CCDC171: variants seen among roughly 807,000 people sequenced by gnomAD.
CCDC171 encodes coiled-coil domain containing 171, also known as coiled-coil domain-containing protein 171.
CCDC171 carries 177 observed loss-of-function variants against 168.2 expected under a neutral mutation model. The observed-to-expected ratio is 1.05, with a 90% CI of 0.93 to 1.19. The LOEUF is 1.19. Among genes scored for constraint, CCDC171 ranks in the 50% most tolerant of loss-of-function variants. The pLI, the probability that CCDC171 is intolerant of heterozygous loss-of-function variation, is 0.00. For synonymous variants in CCDC171, 687 were observed against 540.8 expected (o/e 1.27, Z -3.75); for missense variants, 1,991 against 1,539.0 (o/e 1.29, Z -4.91).
chr9:15,922,452 A>G (rs982125302), intron 25 of CCDC171, among the ~76,000 whole-genome samples: 6 of 151,678 alleles, frequency 4.0e-5, no homozygotes, highest in Non-Finnish European at 8.9e-5. Flanking sequence ...GGGTAAGAGC[A>G]TGGGCTTTGG....
chr9:15,561,567 C>T (rs2039302556), intron 1 of CCDC171, among the ~76,000 whole-genome samples: 2 of 152,106 alleles, frequency 1.3e-5, no homozygotes, highest in Non-Finnish European at 2.9e-5. Context: ...TTGACATTTT[C>T]ATTACTATCC....
chr9:15,659,873 C>T (rs551584669), intron 8 of CCDC171, among the ~76,000 whole-genome samples: 40 of 152,268 alleles, frequency 2.6e-4, no homozygotes, highest in African/African-American at 8.4e-4. Context: ...ATCACCACTC[C>T]GTTACTTTAT....
At chr9:15,930,378 G>A (rs1826367266) in intron 25 of CCDC171, among the ~76,000 whole-genome samples, 1 of 150,724 alleles carries the variant, frequency 6.6e-6, no homozygotes, top group African/African-American at 2.4e-5. Context: ...AATATACATT[G>A]GATGTTTCTT....
chr9:15,812,599 C>T (rs988474499), intron 21 of CCDC171, among the ~76,000 whole-genome samples: 2 of 152,074 alleles, frequency 1.3e-5, no homozygotes, highest in African/African-American at 4.8e-5. Flanking sequence ...CATATATGGC[C>T]ATGGAAGATA....
chr9:15,660,606 G>T (rs1405384056), intron 8 of CCDC171, among the ~76,000 whole-genome samples: 4 of 152,152 alleles, frequency 2.6e-5, no homozygotes, highest in Non-Finnish European at 5.9e-5. Context: ...ATTTGCTTAG[G>T]ATAAGGGCTT....
At chr9:15,650,793 A>G (rs1379726515) in intron 7 of CCDC171, among the ~76,000 whole-genome samples, 2 of 152,152 alleles carry the variant, frequency 1.3e-5, no homozygotes, top group Admixed American at 1.3e-4. Flanking sequence ...TGTGCATAGA[A>G]TGAAATTATC....
At chr9:16,071,534 GC>G in the CCDC171 span, among the ~76,000 whole-genome samples, 60,686 of 151,950 alleles carry the variant, frequency 0.4, 13,191 homozygotes, top group African/African-American at 0.59. Context: ...AGATCTTCTT[GC>G]CTGTCCCCAG....
Position 16,059,624 on chromosome 9 carries a change from C to G in CCDC171, n.90-1022C>G, listed in dbSNP as rs543699642. ...CCGCTTCCCAGGTTCACGCCATTCTCCTGCCTCAGCCTCCCGAGTAGCTGG... is the reference window on the plus strand; with the variant it reads ...CCGCTTCCCAGGTTCACGCCATTCTGCTGCCTCAGCCTCCCGAGTAGCTGG... On this transcript the variant is annotated intron_variant and non_coding_transcript_variant, in intron 1 of 1. Coordinates refer to the CCDC171 transcript ENST00000478913. Among the ~76,000 whole-genome samples, 683 of 148,898 alleles carry G rather than the reference C, an allele frequency of 4.6e-3. 3 individuals are homozygous for G. The highest frequency in any genetic ancestry group is 0.016 in the African/African-American group (644 of 40,040).
At chr9:15,793,246 A>G (rs1239678379) in intron 21 of CCDC171, among the ~76,000 whole-genome samples, 4 of 152,106 alleles carry the variant, frequency 2.6e-5, no homozygotes, top group Non-Finnish European at 5.9e-5. Context: ...CATAATGGTA[A>G]AGGGATCAAT....
intron 23 of CCDC171, among the ~76,000 whole-genome samples, chr9:15,853,401 A>G (rs1056231981): frequency 6.6e-6 from 1 of 151,646 alleles, no homozygotes; most frequent in African/African-American, 2.4e-5. Flanking sequence ...GTGTGCAGAA[A>G]AGTACAACTG....
In CCDC171 at chr9:15,744,342, G is replaced by GAC; in HGVS notation, c.2119_2120insAC (p.Val707AspfsTer28). The GAC allele has an allele frequency of 6.2e-7, 1 of 1,613,854 alleles. No individual in the cohort carries two copies. The highest frequency in any genetic ancestry group is 8.5e-7 in the Non-Finnish European group (1 of 1,179,874). ...TATTGAGAAGTCACATGAACAGTTGGTTCTTGAAAATTCGCACTTCAAAAA... is the reference window on the plus strand; with the variant it reads ...TATTGAGAAGTCACATGAACAGTTGGACTTCTTGAAAATTCGCACTTCAAAAA... On this transcript the variant is annotated frameshift_variant, in exon 17 of 26. Coordinates refer to ENST00000380701, the MANE Select transcript of CCDC171 (RefSeq NM_173550.4). LOFTEE classifies it high-confidence loss of function.
At chr9:15,591,758 G>A (rs373716405) in intron 5 of CCDC171, among the ~76,000 whole-genome samples, 8 of 151,920 alleles carry the variant, frequency 5.3e-5, no homozygotes, top group African/African-American at 1.9e-4. Flanking sequence ...GGTGAAAAAC[G>A]GTTTGCGGTC....
chr9:15,972,034 T>C lies in CCDC171; in HGVS notation c.*198T>C. 1.9e-6 allele frequency: 1 copy of C among 527,556 alleles called. No individual in the cohort carries two copies. Among genetic ancestry groups the C allele is most frequent in the South Asian group, 3.1e-5 (1 of 32,436 alleles). The allele number at this position is 527,556 out of a possible 1,614,324, so 32.7% of individuals were successfully genotyped here. ...CCAACTTTTTTCTCTCCAAGTTTTA[T>C]TTGTTATCACAGTTGCTCATTTTTA... On this transcript the variant is annotated 3_prime_UTR_variant, in exon 26 of 26. Coordinates refer to ENST00000380701, the MANE Select transcript of CCDC171 (RefSeq NM_173550.4).
chr9:15,601,469 T>C (rs1279926000), intron 6 of CCDC171, among the ~76,000 whole-genome samples: 2 of 152,204 alleles, frequency 1.3e-5, no homozygotes, highest in African/African-American at 4.8e-5. Flanking sequence ...GCTTTAGACC[T>C]CTTGTATTCT....
At chr9:15,822,794 A>G (rs375384118) in intron 21 of CCDC171, among the ~76,000 whole-genome samples, 1 of 152,176 alleles carries the variant, frequency 6.6e-6, no homozygotes, top group East Asian at 1.9e-4. Context: ...TCAGGGATCT[A>G]GAACTAGAAA....
At chr9:15,927,217 G>T (rs1402042629) in intron 25 of CCDC171, among the ~76,000 whole-genome samples, 1 of 151,608 alleles carries the variant, frequency 6.6e-6, no homozygotes, top group African/African-American at 2.4e-5. Flanking sequence ...ACACTTGCCA[G>T]TACTTTAACT....
At chr9:15,927,296 A>T (rs1002325447) in intron 25 of CCDC171, among the ~76,000 whole-genome samples, 11 of 151,660 alleles carry the variant, frequency 7.3e-5, no homozygotes, top group Non-Finnish European at 1.5e-4. Flanking sequence ...GAGTTATAAT[A>T]ACTAGAAAGG....
chr9:15,581,831 G>C (rs561026935), intron 4 of CCDC171, among the ~76,000 whole-genome samples: 2 of 152,204 alleles, frequency 1.3e-5, no homozygotes, highest in East Asian at 3.9e-4. Flanking sequence ...AAAAACCCTA[G>C]TAGAAAACCT....
chr9:15,798,739 C>G (rs2058676633), intron 21 of CCDC171, among the ~76,000 whole-genome samples: 1 of 152,126 alleles, frequency 6.6e-6, no homozygotes, highest in African/African-American at 2.4e-5. Flanking sequence ...TAAGTAGTTG[C>G]AACAGTGACC....
Sources: gnomAD v4.1 joint callset for allele counts (sites outside exome capture counted in the v4.1 genomes callset) on GRCh38, gnomAD v4.1.1 for gene constraint, MANE v1.5 for transcripts, NCBI Gene and HGNC (gene_info 2026-07-23, HGNC 2026-07-21) for gene names.